Variants in CTNNA2 observed in about 807,000 individuals in gnomAD.
The protein encoded by CTNNA2 is catenin alpha 2, also known as catenin alpha-2.
Under a neutral mutation model 101.0 loss-of-function variants are expected in CTNNA2, and 42 were observed. That is an observed-to-expected ratio of 0.42 (90% CI 0.32 to 0.54). The LOEUF (loss-of-function observed/expected upper bound fraction) is 0.54, where lower values mean the gene tolerates loss of function less well. Ranked by LOEUF, CTNNA2 falls within the 20% of genes least tolerant of loss-of-function variation. The pLI, the probability that CTNNA2 is intolerant of heterozygous loss-of-function variation, is 0.14. For missense variants in CTNNA2, 871 were observed against 1,223.1 expected, an observed-to-expected ratio of 0.71 and a Z score of 4.29; for synonymous variants, 450 against 456.4, an observed-to-expected ratio of 0.99 and a Z score of 0.18.
chr2:79,549,131 G>A (rs1484631810), intron 1 of CTNNA2, among the ~76,000 whole-genome samples: 1 of 152,122 alleles, frequency 6.6e-6, no homozygotes, highest in African/African-American at 2.4e-5. Flanking sequence ...GCTGAATTCT[G>A]TCTTTATTAT....
Position 79,266,796 on chromosome 2 carries a change from G to C in CTNNA2, c.-405-45913G>C, listed in dbSNP as rs142178827. The stretch of plus-strand genomic sequence containing the variant: ...AATACAAGCTTTCTGGGTGATGCTC[G>C]GTGCCCTCAGTGCTCCAGAGGAAGA... On this transcript the variant is annotated intron_variant, in intron 2 of 21. Transcript: ENST00000466387. Among the ~76,000 whole-genome samples, 597 of 151,986 alleles carry C rather than the reference G, an allele frequency of 3.9e-3. 1 individual carries two copies. The highest frequency in any genetic ancestry group is 6.6e-3 in the Non-Finnish European group (449 of 67,962).
chr2:79,861,600 C>T (rs1380907120), intron 4 of CTNNA2, among the ~76,000 whole-genome samples: 1 of 152,186 alleles, frequency 6.6e-6, no homozygotes, highest in Non-Finnish European at 1.5e-5. Flanking sequence ...TCAGATAACA[C>T]ATAGGTATCT....
intron 6 of CTNNA2, among the ~76,000 whole-genome samples, chr2:79,876,437 ATTAG>A (rs1334570938): frequency 1.3e-5 from 2 of 152,354 alleles, no homozygotes; most frequent in South Asian, 2.1e-4. Flanking sequence ...GTTTATTAAA[ATTAG>A]TTAAGAATGG....
intron 2 of CTNNA2, among the ~76,000 whole-genome samples, chr2:79,239,048 C>T (rs895551134): frequency 2.6e-5 from 4 of 152,052 alleles, no homozygotes; most frequent in Non-Finnish European, 5.9e-5. Context: ...TTTGCTGCAC[C>T]TATCAACCCA....
At chr2:80,609,083 G>T (rs1341950183) in intron 17 of CTNNA2, among the ~76,000 whole-genome samples, 1 of 151,658 alleles carries the variant, frequency 6.6e-6, no homozygotes, top group African/African-American at 2.4e-5. Context: ...GCCATTTGTT[G>T]CAAATTATTT....
At chr2:80,182,954 G>A (rs1279160669) in intron 7 of CTNNA2, among the ~76,000 whole-genome samples, 1 of 152,220 alleles carries the variant, frequency 6.6e-6, no homozygotes, top group Non-Finnish European at 1.5e-5. Context: ...AGGTGCCTTA[G>A]AAAACCAGTT....
intron 4 of CTNNA2, among the ~76,000 whole-genome samples, chr2:79,438,266 C>T (rs1378993680): frequency 1.3e-5 from 2 of 152,148 alleles, no homozygotes; most frequent in Non-Finnish European, 2.9e-5. Flanking sequence ...TTTCCAGCTC[C>T]TTGGCATTTA....
chr2:80,116,328 G>A (rs1310520478), intron 7 of CTNNA2, among the ~76,000 whole-genome samples: 2 of 150,684 alleles, frequency 1.3e-5, no homozygotes, highest in Non-Finnish European at 2.9e-5. Flanking sequence ...ACAGGGTTGG[G>A]TGTAGGGGAC....
intron 2 of CTNNA2, among the ~76,000 whole-genome samples, chr2:79,302,773 T>C (rs1349482073): frequency 2.0e-5 from 3 of 152,186 alleles, no homozygotes. Flanking sequence ...TAAATAGCTA[T>C]CATTTCAAAT....
intron 1 of CTNNA2, among the ~76,000 whole-genome samples, chr2:79,552,339 G>A (rs1032802967): frequency 5.3e-5 from 8 of 152,022 alleles, no homozygotes; most frequent in African/African-American, 1.9e-4. Flanking sequence ...TGCAAGGGTG[G>A]GCTCCCAAGG....
chr2:79,878,690 G>T (rs1683199879), intron 6 of CTNNA2, among the ~76,000 whole-genome samples: 1 of 151,604 alleles, frequency 6.6e-6, no homozygotes, highest in African/African-American at 2.4e-5. Context: ...GTTTGTTTTT[G>T]TAAATTTAAG....
At chr2:79,954,235 T>C (rs2104505558) in intron 7 of CTNNA2, among the ~76,000 whole-genome samples, 1 of 152,288 alleles carries the variant, frequency 6.6e-6, no homozygotes, top group African/African-American at 2.4e-5. Context: ...AAAAATCCAG[T>C]GATTTTGCTA....
At chr2:80,341,708 G>T (rs1229248867) in intron 7 of CTNNA2, among the ~76,000 whole-genome samples, 1 of 152,156 alleles carries the variant, frequency 6.6e-6, no homozygotes, top group Admixed American at 6.5e-5. Context: ...AGTTCGGTAG[G>T]TTCTCAAGTT....
intron 3 of CTNNA2, among the ~76,000 whole-genome samples, chr2:79,778,768 G>A (rs1558921799): frequency 6.6e-6 from 1 of 152,004 alleles, no homozygotes; most frequent in East Asian, 1.9e-4. Flanking sequence ...ACTGTGACAT[G>A]TATCTCTTAG....
chr2:79,626,993 T>C (rs1259070778), intron 1 of CTNNA2, among the ~76,000 whole-genome samples: 2 of 152,206 alleles, frequency 1.3e-5, no homozygotes, highest in East Asian at 3.9e-4. Context: ...TAAAGAAGTA[T>C]AATTAGATTC....
At chr2:79,411,990 T>G (rs187994221) in intron 4 of CTNNA2, among the ~76,000 whole-genome samples, 336 of 152,172 alleles carry the variant, frequency 2.2e-3, no homozygotes, top group Middle Eastern at 0.017. Context: ...TGTGCTGTAT[T>G]CAGGAAACCC....
chr2:80,219,209 C>G (rs1317940754), intron 7 of CTNNA2, among the ~76,000 whole-genome samples: 1 of 152,174 alleles, frequency 6.6e-6, no homozygotes, highest in African/African-American at 2.4e-5. Flanking sequence ...CTTTGCATGG[C>G]CTTTGCAATG....
intron 2 of CTNNA2, among the ~76,000 whole-genome samples, chr2:79,231,619 T>C (rs1674494366): frequency 6.6e-6 from 1 of 152,200 alleles, no homozygotes; most frequent in Non-Finnish European, 1.5e-5. Context: ...TTGGTAGGAA[T>C]ATCATTAAAT....
At chr2:79,898,053 T>G (rs1421430850) in intron 6 of CTNNA2, among the ~76,000 whole-genome samples, 1 of 152,226 alleles carries the variant, frequency 6.6e-6, no homozygotes, top group Non-Finnish European at 1.5e-5. Context: ...AGGTGACACA[T>G]GTAAACCATA....
Sources: allele counts gnomAD v4.1 joint callset (sites outside exome capture counted in the v4.1 genomes callset), GRCh38; gene constraint gnomAD v4.1.1; transcripts MANE v1.5; gene names NCBI Gene and HGNC (gene_info 2026-07-23, HGNC 2026-07-21).